Variants in RFPL1 observed in about 807,000 individuals in gnomAD.
RFPL1 encodes ret finger protein like 1.
A neutral mutation model predicts 9.6 loss-of-function variants in RFPL1; 6 were observed. The ratio of observed to expected loss-of-function variants is 0.62; its 90% CI spans 0.34 to 1.23. RFPL1 has a LOEUF of 1.23. Among genes scored for constraint, RFPL1 ranks in the 50% most tolerant of loss-of-function variants. The pLI, the probability that RFPL1 is intolerant of heterozygous loss-of-function variation, is 0.03. For synonymous variants in RFPL1, 145 were observed against 149.4 expected (o/e 0.97, Z 0.22); for missense variants, 352 against 398.4 (o/e 0.88, Z 0.99).
At chr22:29,430,679 A>C in the RFPL1 span, among the ~76,000 whole-genome samples, 1 of 152,178 alleles carries the variant, frequency 6.6e-6, no homozygotes, top group African/African-American at 2.4e-5. Flanking sequence ...GATTTTAGAA[A>C]AAACATCTTA....
At chr22:29,408,233 C>T in the RFPL1 span, among the ~76,000 whole-genome samples, 2 of 152,138 alleles carry the variant, frequency 1.3e-5, no homozygotes, top group South Asian at 4.1e-4. Flanking sequence ...GAGATGCTGT[C>T]GCTGAACCAT....
the RFPL1 span, among the ~76,000 whole-genome samples, chr22:29,410,596 G>GAT: frequency 4.0e-5 from 5 of 123,490 alleles, no homozygotes; most frequent in African/African-American, 6.0e-5. Flanking sequence ...TCTATATATA[G>GAT]ATATATATAG....
At chr22:29,417,466 C>A in the RFPL1 span, among the ~76,000 whole-genome samples, 3 of 149,766 alleles carry the variant, frequency 2.0e-5, no homozygotes, top group African/African-American at 7.5e-5. Context: ...TATCTTGGGA[C>A]CTGGATGGGA....
chr22:29,410,292 ATG>A, the RFPL1 span, among the ~76,000 whole-genome samples: 2 of 114,206 alleles, frequency 1.8e-5, no homozygotes, highest in African/African-American at 3.7e-5. Flanking sequence ...ATCTATATAT[ATG>A]TAGATATATA....
the RFPL1 span, among the ~76,000 whole-genome samples, chr22:29,402,600 A>G: frequency 1.3e-5 from 2 of 152,046 alleles, no homozygotes; most frequent in African/African-American, 4.8e-5. Flanking sequence ...GCTATGGTCA[A>G]GTTGAAGACA....
At chr22:29,392,175 G>C in the RFPL1 span, among the ~76,000 whole-genome samples, 1 of 152,008 alleles carries the variant, frequency 6.6e-6, no homozygotes, top group African/African-American at 2.4e-5. Flanking sequence ...TGCCTCCCGG[G>C]CTCAAGCAAT....
chr22:29,409,922 G>C, the RFPL1 span, among the ~76,000 whole-genome samples: 18 of 152,208 alleles, frequency 1.2e-4, no homozygotes, highest in Middle Eastern at 3.4e-3. Flanking sequence ...ATCTGGTAGT[G>C]AGCATATTTC....
the RFPL1 span, among the ~76,000 whole-genome samples, chr22:29,411,241 G>C: frequency 6.6e-6 from 1 of 152,182 alleles, no homozygotes; most frequent in Non-Finnish European, 1.5e-5. Context: ...GGGGTTGGGA[G>C]TGATGGAGAC....
chr22:29,441,972 T>C (rs148139948), exon 2 of RFPL1: 2 of 1,614,148 alleles, frequency 1.2e-6, no homozygotes, highest in African/African-American at 1.3e-5. Flanking sequence ...CCCATGTCTA[T>C]ACATTCAGGA....
At chr22:29,438,921 T>C (rs756525098) in exon 1 of RFPL1, 2 of 1,613,976 alleles carry the variant, frequency 1.2e-6, no homozygotes, top group Admixed American at 3.3e-5. Context: ...TCCCGTCTGC[T>C]CAGACTATCT....
the RFPL1 span, among the ~76,000 whole-genome samples, chr22:29,398,241 C>T: frequency 6.6e-6 from 1 of 152,188 alleles, no homozygotes; most frequent in Non-Finnish European, 1.5e-5. Context: ...CCACTGACCC[C>T]AGTTCAGGCC....
chr22:29,439,071 T>G lies in RFPL1; in HGVS notation c.280T>G (p.Trp94Gly), dbSNP rs16987627. 2.2e-3 allele frequency: 3,500 copies of G among 1,614,006 alleles called. 74 individuals are homozygous for G. The South Asian group carries it at 0.03, about 14-fold the overall frequency. ...TCAGAAGAACAAAATCAGGCCCAGT[T>G]GGCAGCTAGAGAGGCTGGCTTCCCA... Residue 94 changes from tryptophan to glycine, a missense_variant, in exon 1 of 2, where the codon TGG (tryptophan) becomes GGG (glycine). Physicochemically the swap from Trp to Gly is radical, Grantham distance 184 (BLOSUM62 -2). Transcript: ENST00000354373.
chr22:29,441,059 AC>A (rs1385893739), intron 1 of RFPL1: 1 of 158,712 alleles, frequency 6.3e-6, no homozygotes, highest in Non-Finnish European at 1.4e-5. Context: ...CTGCAGAGAT[AC>A]CCTACCTGCT....
the RFPL1 span, among the ~76,000 whole-genome samples, chr22:29,432,226 AAG>A: frequency 1.3e-5 from 2 of 152,210 alleles, no homozygotes; most frequent in Non-Finnish European, 2.9e-5. Context: ...CAGCGCGTCA[AAG>A]AGTGCAATTA....
At chr22:29,434,174 GT>G (rs2146362997), upstream of RFPL1, among the ~76,000 whole-genome samples, 1 of 152,164 alleles carries the variant, frequency 6.6e-6, no homozygotes, top group African/African-American at 2.4e-5. Context: ...ATAATAAATA[GT>G]TTTTCCATCA....
the RFPL1 span, among the ~76,000 whole-genome samples, chr22:29,399,994 C>CTTTT: frequency 2.2e-4 from 26 of 116,198 alleles, no homozygotes; most frequent in Non-Finnish European, 2.9e-4. Context: ...CTTTTCTTTT[C>CTTTT]TTTTTTTTTT....
chr22:29,400,387 T>A, the RFPL1 span, among the ~76,000 whole-genome samples: 3 of 152,212 alleles, frequency 2.0e-5, no homozygotes, highest in Non-Finnish European at 1.5e-5. Flanking sequence ...GAGCTGGTCA[T>A]GAAAAGAGCT....
At chr22:29,429,600 C>G in the RFPL1 span, among the ~76,000 whole-genome samples, 2 of 151,978 alleles carry the variant, frequency 1.3e-5, no homozygotes, top group African/African-American at 4.8e-5. Flanking sequence ...TATAACCTAC[C>G]AAGATTGAAT....
the RFPL1 span, among the ~76,000 whole-genome samples, chr22:29,408,848 G>A: frequency 2.0e-5 from 3 of 152,118 alleles, no homozygotes; most frequent in Non-Finnish European, 4.4e-5. Flanking sequence ...ACATAGACTT[G>A]CTAAATATTC....
Sources: gnomAD v4.1 joint callset for allele counts (sites outside exome capture counted in the v4.1 genomes callset) on GRCh38, gnomAD v4.1.1 for gene constraint, MANE v1.5 for transcripts, NCBI Gene and HGNC (gene_info 2026-07-23, HGNC 2026-07-21) for gene names.